FAM135B: variants seen among roughly 807,000 people sequenced by gnomAD.
The protein encoded by FAM135B is family with sequence similarity 135 member B.
Under a neutral mutation model 127.7 loss-of-function variants are expected in FAM135B, and 43 were observed. The ratio of observed to expected loss-of-function variants is 0.34; its 90% CI spans 0.26 to 0.43. The LOEUF (loss-of-function observed/expected upper bound fraction) is 0.43, where lower values mean the gene tolerates loss of function less well. Among genes scored for constraint, FAM135B ranks in the 20% least tolerant of loss-of-function variants. The pLI is 1.00. For synonymous variants in FAM135B, 670 were observed against 665.1 expected (o/e 1.01, Z -0.11); for missense variants, 1,558 against 1,725.6 (o/e 0.90, Z 1.72).
At chr8:138,480,955 G>A (rs1269844693) in intron 1 of FAM135B, among the ~76,000 whole-genome samples, 1 of 152,208 alleles carries the variant, frequency 6.6e-6, no homozygotes, top group Non-Finnish European at 1.5e-5. Context: ...CTGTTGTTAA[G>A]ATTACAGGAG....
At chr8:138,202,684 T>G (rs1817238153) in intron 7 of FAM135B, among the ~76,000 whole-genome samples, 1 of 152,196 alleles carries the variant, frequency 6.6e-6, no homozygotes, top group Non-Finnish European at 1.5e-5. Flanking sequence ...TATTAGGGAT[T>G]AAATGAGATT....
intron 12 of FAM135B, among the ~76,000 whole-genome samples, chr8:138,153,440 T>C (rs1035800673): frequency 1.3e-5 from 2 of 152,042 alleles, no homozygotes; most frequent in African/African-American, 4.8e-5. Context: ...TTGGGACTTG[T>C]TGGACAGTGA....
intron 1 of FAM135B, among the ~76,000 whole-genome samples, chr8:138,391,005 G>A (rs1372523233): frequency 6.6e-6 from 1 of 152,120 alleles, no homozygotes; most frequent in Non-Finnish European, 1.5e-5. Context: ...AATCGTCCAG[G>A]AAGCTACTTC....
Position 138,137,390 on chromosome 8 carries a change from C to A in FAM135B, c.3902-130G>T. The stretch of plus-strand genomic sequence containing the variant: ...ATGTTGACACACCACACACTAGTGT[C>A]ATCACACAAGGACATTCTGTCCTGA... On this transcript the variant is annotated intron_variant, in intron 18 of 19. Transcript: ENST00000395297. 14 of 661,246 alleles carry A rather than the reference C, an allele frequency of 2.1e-5. No individual in the cohort carries two copies. The South Asian group carries it at 2.5e-4, about 12-fold the overall frequency. The allele number at this position is 661,246 out of a possible 1,614,324, so 41.0% of individuals were successfully genotyped here.
intron 1 of FAM135B, chr8:138,439,694 C>T: frequency 6.6e-6 from 1 of 152,226 alleles, no homozygotes; most frequent in Non-Finnish European, 1.5e-5. Flanking sequence ...AGGTGCTTCA[C>T]AGCTGCTCTC....
chr8:138,398,147 G>C (rs188739908), intron 1 of FAM135B, among the ~76,000 whole-genome samples: 74 of 152,196 alleles, frequency 4.9e-4, no homozygotes, highest in Non-Finnish European at 1.0e-3. Flanking sequence ...GCTGCTTCAC[G>C]CCTTCTGTAA....
intron 3 of FAM135B, among the ~76,000 whole-genome samples, chr8:138,295,978 T>C (rs539231667): frequency 6.6e-6 from 1 of 152,308 alleles, no homozygotes; most frequent in South Asian, 2.1e-4. Flanking sequence ...CAGTCCAGCC[T>C]GAGTGAAGGC....
chr8:138,285,467 A>G (rs894153655), intron 3 of FAM135B, among the ~76,000 whole-genome samples: 1 of 151,806 alleles, frequency 6.6e-6, no homozygotes, highest in Non-Finnish European at 1.5e-5. Flanking sequence ...TGATTTTTAA[A>G]CTCTCTGAGA....
At chr8:138,331,835 G>C (rs1401683872) in intron 2 of FAM135B, among the ~76,000 whole-genome samples, 2 of 152,138 alleles carry the variant, frequency 1.3e-5, no homozygotes, top group African/African-American at 2.4e-5. Flanking sequence ...AGAACTCTTA[G>C]ATGGGCCTGA....
chr8:138,497,651 C>A (rs1234620891), upstream of FAM135B, among the ~76,000 whole-genome samples: 1 of 152,166 alleles, frequency 6.6e-6, no homozygotes. Context: ...CAGCAGTGGC[C>A]TTCAACCAGC....
At chr8:138,394,709 C>A (rs1243763428) in intron 1 of FAM135B, among the ~76,000 whole-genome samples, 1 of 151,974 alleles carries the variant, frequency 6.6e-6, no homozygotes, top group Non-Finnish European at 1.5e-5. Context: ...CCACAACAGG[C>A]CTGTGTGAGT....
chr8:138,309,092 T>C, intron 3 of FAM135B: 1 of 424,454 alleles, frequency 2.4e-6, no homozygotes, highest in Admixed American at 2.8e-5. Flanking sequence ...CTATGAAGAA[T>C]GCATTTTTAT....
At chr8:138,387,646 A>G (rs80015616) in intron 1 of FAM135B, among the ~76,000 whole-genome samples, 1 of 152,094 alleles carries the variant, frequency 6.6e-6, no homozygotes, top group African/African-American at 2.4e-5. Context: ...TAGGTTCTCC[A>G]AAGTCATAGT....
chr8:138,341,914 C>T (rs963037647), intron 2 of FAM135B, among the ~76,000 whole-genome samples: 2 of 151,946 alleles, frequency 1.3e-5, no homozygotes, highest in African/African-American at 4.8e-5. Flanking sequence ...GCCTTTAACA[C>T]GTTTATACTA....
chr8:138,347,525 C>A (rs1413328819), intron 2 of FAM135B, among the ~76,000 whole-genome samples: 2 of 152,158 alleles, frequency 1.3e-5, no homozygotes, highest in Non-Finnish European at 2.9e-5. Context: ...AAGGAAACAG[C>A]CAAAAGGAAT....
chr8:138,381,375 AATCT>A (rs1195036319), intron 1 of FAM135B, among the ~76,000 whole-genome samples: 1 of 152,124 alleles, frequency 6.6e-6, no homozygotes, highest in African/African-American at 2.4e-5. Flanking sequence ...TTAAATGTCC[AATCT>A]AGCTTTTCCA....
intron 19 of FAM135B, among the ~76,000 whole-genome samples, chr8:138,133,425 G>A (rs1262580221): frequency 6.6e-6 from 1 of 152,224 alleles, no homozygotes; most frequent in African/African-American, 2.4e-5. Flanking sequence ...CTGAACAATA[G>A]ATAGATTTGC....
chr8:138,380,301 G>A (rs1341731214), intron 1 of FAM135B, among the ~76,000 whole-genome samples: 6 of 151,994 alleles, frequency 3.9e-5, no homozygotes, highest in East Asian at 1.9e-4. Flanking sequence ...GGGCTTAAGC[G>A]ATTCTCCTGC....
chr8:138,191,646 G>C (rs1213086825), intron 9 of FAM135B, among the ~76,000 whole-genome samples: 1 of 152,240 alleles, frequency 6.6e-6, no homozygotes, highest in East Asian at 1.9e-4. Context: ...CTGGGGGCTT[G>C]GGAAATGTTT....
Sources: allele counts gnomAD v4.1 joint callset (sites outside exome capture counted in the v4.1 genomes callset), GRCh38; gene constraint gnomAD v4.1.1; transcripts MANE v1.5; gene names NCBI Gene and HGNC (gene_info 2026-07-23, HGNC 2026-07-21).